GIGYF2: variants seen among roughly 807,000 people sequenced by gnomAD.
GIGYF2 encodes the protein GRB10 interacting GYF protein 2.
GIGYF2 carries 25 observed loss-of-function variants against 208.1 expected under a neutral mutation model. The ratio of observed to expected loss-of-function variants is 0.12; its 90% CI spans 0.09 to 0.17. The LOEUF is 0.17. Ranked by LOEUF, GIGYF2 falls within the 10% of genes least tolerant of loss-of-function variation. The pLI is 1.00. For synonymous variants in GIGYF2, 534 were observed against 543.8 expected, an observed-to-expected ratio of 0.98 and a Z score of 0.25; for missense variants, 1,302 against 1,579.4, an observed-to-expected ratio of 0.82 and a Z score of 2.98.
chr2:232,720,631 G>C (rs534367098), intron 2 of GIGYF2, among the ~76,000 whole-genome samples: 88 of 149,510 alleles, frequency 5.9e-4, no homozygotes, highest in Non-Finnish European at 2.4e-4. Flanking sequence ...GGCTCACTCT[G>C]TTGTCCAGGC....
At chr2:232,749,706 A>C (rs757290202) in intron 5 of GIGYF2, among the ~76,000 whole-genome samples, 8 of 152,190 alleles carry the variant, frequency 5.3e-5, no homozygotes, top group Non-Finnish European at 8.8e-5. Flanking sequence ...CTTGAATGTT[A>C]CTTTATGGGC....
intron 20 of GIGYF2, among the ~76,000 whole-genome samples, chr2:232,818,256 T>C (rs1335505329): frequency 1.3e-5 from 2 of 152,244 alleles, no homozygotes; most frequent in Non-Finnish European, 2.9e-5. Context: ...CTTTTCTCTC[T>C]ATTTTAGTGT....
chr2:232,722,711 A>G (rs1418096046), intron 2 of GIGYF2: 1 of 152,186 alleles, frequency 6.6e-6, no homozygotes, highest in Non-Finnish European at 1.5e-5. Flanking sequence ...GTATTGTGTA[A>G]TGTAAGTTGT....
intron 2 of GIGYF2, among the ~76,000 whole-genome samples, chr2:232,710,067 C>T (rs1313975240): frequency 1.3e-5 from 2 of 152,038 alleles, no homozygotes; most frequent in East Asian, 3.9e-4. Context: ...TCATGCCATT[C>T]TTCTGCCTCA....
chr2:232,702,885 C>T (rs1695919671), intron 1 of GIGYF2, among the ~76,000 whole-genome samples: 1 of 152,182 alleles, frequency 6.6e-6, no homozygotes, highest in Non-Finnish European at 1.5e-5. Flanking sequence ...GCTTTGACCT[C>T]CCTGGGCTCA....
chr2:232,844,614 T>C (rs1322964305), intron 25 of GIGYF2, 40 bp downstream of exon 25: 1 of 1,425,238 alleles, frequency 7.0e-7, no homozygotes, highest in Non-Finnish European at 9.9e-7. Context: ...CCTTGGTTGG[T>C]TGGGAGGTGG....
At chr2:232,797,489 T>TTGTGTGTG (rs67221198) in intron 14 of GIGYF2, among the ~76,000 whole-genome samples, 9,710 of 144,926 alleles carry the variant, frequency 0.067, 355 homozygotes, top group Middle Eastern at 0.099. Context: ...AGAGCAGGGC[T>TTGTGTGTG]TGTGTGTGTG....
Position 232,859,563 on chromosome 2 carries a change from T to A in GIGYF2, c.*2703T>A, listed in dbSNP as rs1176533362. 2 of 152,292 alleles carry A rather than the reference T, an allele frequency of 1.3e-5. No individual in the cohort carries two copies. Among genetic ancestry groups the A allele is most frequent in the African/African-American group, 4.8e-5 (2 of 41,442 alleles). The allele number at this position is 152,292 out of a possible 1,614,324, so 9.4% of individuals were successfully genotyped here. A position where few individuals can be genotyped will look rare whatever the true frequency, so the allele number is the denominator to read the frequency against. On this transcript the variant is annotated 3_prime_UTR_variant, in exon 29 of 29. Coordinates refer to ENST00000373563, the MANE Select transcript of GIGYF2 (RefSeq NM_001103146.3). ...CTGTGCATAACAGATTCCCTCCAGA[T>A]TGGCTTACAACAGCTACTTCATTCT...
At chr2:232,770,752 C>CT in intron 8 of GIGYF2, 1 of 645,110 alleles carries the variant, frequency 1.6e-6, no homozygotes, top group Non-Finnish European at 2.6e-6. Context: ...TAAACTGTTT[C>CT]TTTTCTATCT....
chr2:232,733,996 T>C (rs551011477), intron 2 of GIGYF2, among the ~76,000 whole-genome samples: 19 of 152,168 alleles, frequency 1.2e-4, no homozygotes, highest in Admixed American at 1.2e-3. Context: ...TAAGCTCTCA[T>C]ATCTTAAGAT....
At position 232,819,488 on chromosome 2, in the gene GIGYF2, A is replaced by T. The variant is rs189028702; in HGVS notation, c.2371-339A>T. Among the ~76,000 whole-genome samples, 5 of 152,282 alleles carry T rather than the reference A, an allele frequency of 3.3e-5. No individual in the cohort carries two copies. The East Asian group carries it at 9.6e-4, about 29-fold the overall frequency. On this transcript the variant is annotated intron_variant, in intron 20 of 28. Transcript: ENST00000373563. ...TTCCCAGTTAATTAAAAAAATAGGGATTAAAGATACCAGTGGAGAAACAAA... is the reference window on the plus strand; with the variant it reads ...TTCCCAGTTAATTAAAAAAATAGGGTTTAAAGATACCAGTGGAGAAACAAA...
intron 5 of GIGYF2, among the ~76,000 whole-genome samples, chr2:232,755,750 G>GC (rs1431101030): frequency 6.6e-6 from 1 of 152,094 alleles, no homozygotes; most frequent in Non-Finnish European, 1.5e-5. Flanking sequence ...ATACTACTTG[G>GC]AGTTGCTAAT....
intron 8 of GIGYF2, chr2:232,770,873 TG>T: frequency 2.6e-6 from 4 of 1,533,524 alleles, no homozygotes; most frequent in South Asian, 1.1e-5. Context: ...TTTTTGTTTT[TG>T]TTTTTTTTAA....
At chr2:232,802,226 C>T (rs1425816946) in intron 14 of GIGYF2, among the ~76,000 whole-genome samples, 2 of 150,410 alleles carry the variant, frequency 1.3e-5, no homozygotes, top group Non-Finnish European at 3.0e-5. Context: ...AGACTTCTTC[C>T]TAATTTGGAT....
rs775533442 is a variant in GIGYF2 at position 232,761,470 on chromosome 2, TTATTAAAAATTGACTCAGTTACC to T, written c.532+36_532+58del. ...CTTACCTACACACATAAGGATAAAT[TTATTAAAAATTGACTCAGTTACC>T]TGCACCTCTCCAGTAGATGGGGCTG... is the stretch of plus-strand genomic sequence containing the variant. On this transcript the variant is annotated intron_variant, in intron 8 of 28. Transcript: ENST00000373563. 1.6e-5 allele frequency: 21 copies of T among 1,353,758 alleles called. No homozygotes were observed. The African/African-American group carries it at 2.9e-4, about 18-fold the overall frequency. 83.9% of individuals were successfully genotyped at this position (1,353,758 alleles called of 1,614,324 possible).
intron 8 of GIGYF2, among the ~76,000 whole-genome samples, chr2:232,761,953 C>T (rs1483729402): frequency 6.7e-6 from 1 of 149,634 alleles, no homozygotes; most frequent in Non-Finnish European, 1.5e-5. Context: ...AACAGGATTC[C>T]ATTGTTTATG....
intron 3 of GIGYF2, chr2:232,735,725 A>G (rs138122490): frequency 1.4e-5 from 14 of 986,454 alleles, no homozygotes; most frequent in African/African-American, 1.7e-5. Context: ...TTAGCATTGG[A>G]CATAATAACG....
intron 12 of GIGYF2, 101 bp from the exon 13 acceptor site, chr2:232,794,647 C>A: frequency 1.1e-6 from 1 of 885,132 alleles, no homozygotes; most frequent in Non-Finnish European, 1.9e-6. Flanking sequence ...CTCACGTTTT[C>A]TGTTTGGCCC....
rs200311449 is a variant in GIGYF2 at position 232,796,190 on chromosome 2, G to T, written c.1608G>T (p.Trp536Cys). The T allele has an allele frequency of 6.2e-7, 1 of 1,606,662 alleles. No homozygotes were observed. The highest frequency in any genetic ancestry group is 8.5e-7 in the Non-Finnish European group (1 of 1,173,208). The change falls in exon 14 of 29, where the codon TGG becomes TGT. Residue 536 changes from tryptophan (W) to cysteine (C), a missense_variant. By Grantham distance (215) the Trp-to-Cys change is radical (BLOSUM62 -2). This residue lies in a region of GIGYF2 where 69 missense variants were observed against 132.8 expected (regional missense o/e 0.52). Coordinates refer to ENST00000373563, the MANE Select transcript of GIGYF2 (RefSeq NM_001103146.3). Reference sequence around the variant, plus strand: ...TGATGCATGAAGCAATGCAGAAGTGGTATTACAAAGATCCTCAGGGAGAAA... The same window carrying T: ...TGATGCATGAAGCAATGCAGAAGTGTTATTACAAAGATCCTCAGGGAGAAA... ...IPLMHEAMQK[W>C]YYKDPQGEIQ...
Sources: gnomAD v4.1 joint callset for allele counts (sites outside exome capture counted in the v4.1 genomes callset) on GRCh38, gnomAD v4.1.1 for gene constraint, gnomAD v4.1.1 regional missense constraint, MANE v1.5 for transcripts, NCBI Gene and HGNC (gene_info 2026-07-23, HGNC 2026-07-21) for gene names.